The following STS variants were observed in gnomAD, a reference collection of about 807,000 sequenced individuals.
The protein encoded by STS is steryl-sulfatase.
In STS, 7 loss-of-function variants were observed where a neutral mutation model predicts 26.8. The observed-to-expected ratio is 0.26, with a 90% CI of 0.15 to 0.49. The LOEUF is 0.49. Ranked by LOEUF, STS falls within the 20% of genes least tolerant of loss-of-function variation. The pLI is 0.98. For synonymous variants in STS, 199 were observed against 189.4 expected (o/e 1.05, Z -0.42); for missense variants, 434 against 465.6 (o/e 0.93, Z 0.63).
At chrX:7,237,086 C>T (rs1485748944) in intron 2 of STS, among the ~76,000 whole-genome samples, 13 of 109,473 alleles carry the variant, frequency 1.2e-4, no homozygotes, top group African/African-American at 3.7e-4. Flanking sequence ...GCAGATCAAA[C>T]GTAAAATTAC....
chrX:7,298,994 A>G (rs1404641089), intron 7 of STS, among the ~76,000 whole-genome samples: 1 of 90,139 alleles, frequency 1.1e-5, no homozygotes, highest in African/African-American at 4.1e-5. Flanking sequence ...ATATTATATA[A>G]AATAATTATA....
chrX:7,229,354 G>C (rs1231969664), intron 2 of STS, among the ~76,000 whole-genome samples: 1 of 111,583 alleles, frequency 9.0e-6, no homozygotes, highest in Non-Finnish European at 1.9e-5. Flanking sequence ...CAGAGCTTAG[G>C]ATCTGAGCAT....
intron 2 of STS, among the ~76,000 whole-genome samples, chrX:7,214,952 CGT>C (rs1921188557): frequency 1.2e-5 from 1 of 82,496 alleles, no homozygotes; most frequent in African/African-American, 4.6e-5. Flanking sequence ...TACATATATA[CGT>C]ATATATATAT....
chrX:7,150,260 C>T (rs1932985310), intron 1 of STS, among the ~76,000 whole-genome samples: 1 of 111,877 alleles, frequency 8.9e-6, no homozygotes, highest in African/African-American at 3.3e-5. Context: ...CTCACTCTGT[C>T]ACCCAGGCTG....
At chrX:7,225,156 C>A (rs1407297997) in intron 2 of STS, among the ~76,000 whole-genome samples, 2 of 111,829 alleles carry the variant, frequency 1.8e-5, no homozygotes, top group African/African-American at 6.5e-5. Context: ...TATGAATCAA[C>A]CTTTATATAA....
intron 1 of STS, among the ~76,000 whole-genome samples, chrX:7,153,629 C>T (rs1386532428): frequency 1.1e-5 from 1 of 93,572 alleles, no homozygotes; most frequent in African/African-American, 4.1e-5. Context: ...CTCTCTTTTC[C>T]TGTCTTCCTT....
intron 2 of STS, among the ~76,000 whole-genome samples, chrX:7,240,552 T>TAA (rs1555953724): frequency 1.8e-4 from 16 of 91,316 alleles, no homozygotes; most frequent in African/African-American, 5.2e-4. Flanking sequence ...TATATATATA[T>TAA]AAAATGGATC....
At chrX:7,279,381 A>ATG (rs1464451565) in intron 7 of STS, among the ~76,000 whole-genome samples, 1 of 79,415 alleles carries the variant, frequency 1.3e-5, no homozygotes, top group Admixed American at 1.4e-4. Flanking sequence ...GTGTGTGTAT[A>ATG]TATATGTGTG....
At chrX:7,241,543 G>A (rs916605377) in intron 2 of STS, among the ~76,000 whole-genome samples, 6 of 111,916 alleles carry the variant, frequency 5.4e-5, no homozygotes, top group Admixed American at 9.5e-5. Context: ...TAAATTCTGA[G>A]ACTCATTACT....
intron 3 of STS, among the ~76,000 whole-genome samples, chrX:7,255,034 A>G (rs1399092937): frequency 8.9e-6 from 1 of 112,426 alleles, no homozygotes; most frequent in Non-Finnish European, 1.9e-5. Flanking sequence ...ATATTTAATC[A>G]TTGCATATCA....
Position 7,334,117 on chromosome X carries a change from C to T in STS, c.1363+10C>T. 8.3e-7 allele frequency: 1 copy of T among 1,211,342 alleles called. No homozygotes were observed. The highest frequency in any genetic ancestry group is 1.8e-5 in the South Asian group (1 of 56,974). On this transcript the variant is annotated intron_variant, in intron 10 of 10. Coordinates refer to ENST00000674429, the MANE Select transcript of STS (RefSeq NM_001320752.2). The stretch of plus-strand genomic sequence containing the variant: ...TGGCACCCTCAGAACAGTGAGTAAA[C>T]AGACCTTTCCACGCTCCTCATGCTC...
chrX:7,162,686 A>T (rs777044349), intron 1 of STS, among the ~76,000 whole-genome samples: 7 of 109,296 alleles, frequency 6.4e-5, no homozygotes, highest in Non-Finnish European at 1.3e-4. Context: ...AGATGTTGCC[A>T]AATGTCTCCT....
intron 3 of STS, 135 bp downstream of exon 3, chrX:7,253,471 T>A: frequency 1.1e-6 from 1 of 874,443 alleles, no homozygotes. Flanking sequence ...TGGCTTCATG[T>A]AGATACACTG....
chrX:7,264,941 G>T (rs776084586), intron 6 of STS, among the ~76,000 whole-genome samples: 22 of 110,223 alleles, frequency 2.0e-4, no homozygotes, highest in African/African-American at 6.9e-4. Flanking sequence ...ACATAGATAT[G>T]TGATTAAAAC....
At chrX:7,150,283 G>A (rs770357371) in intron 1 of STS, among the ~76,000 whole-genome samples, 28 of 111,626 alleles carry the variant, frequency 2.5e-4, no homozygotes, top group African/African-American at 2.9e-4. Context: ...GCACGGTGGC[G>A]CAATCTCTGC....
At position 7,322,885 on chromosome X, in the gene STS, C is replaced by T. The variant is rs139856259; in HGVS notation, c.1082-2454C>T. Among the ~76,000 whole-genome samples, 186 of 112,206 alleles carry T rather than the reference C, an allele frequency of 1.7e-3. 5 individuals are homozygous for T. In the East Asian group the frequency reaches 0.039, roughly 24 times the overall value. On this transcript the variant is annotated intron_variant, in intron 8 of 10. Transcript: ENST00000674429. ...TGCTGACATTCTGATCCACTCTGAA[C>T]TCACCCTTCCTGCCTCTGCCGGTAC...
At chrX:7,262,570 G>C (rs1285757879) in intron 6 of STS, among the ~76,000 whole-genome samples, 1 of 112,283 alleles carries the variant, frequency 8.9e-6, no homozygotes, top group Non-Finnish European at 1.9e-5. Flanking sequence ...GAATATTTCA[G>C]ATGAAATTTT....
chrX:7,243,625 CAG>C (rs1922724517), intron 2 of STS, among the ~76,000 whole-genome samples: 1 of 111,875 alleles, frequency 8.9e-6, no homozygotes. Context: ...CAAAAACAAA[CAG>C]AGACTATCAC....
chrX:7,240,046 G>A (rs780015455), intron 2 of STS, among the ~76,000 whole-genome samples: 180 of 108,987 alleles, frequency 1.7e-3, no homozygotes, highest in Non-Finnish European at 3.0e-3. Context: ...CACCACGCCC[G>A]GCAGATTTTT....
Sources: gnomAD v4.1 joint callset for allele counts (sites outside exome capture counted in the v4.1 genomes callset) on GRCh38, gnomAD v4.1.1 for gene constraint, MANE v1.5 for transcripts, NCBI Gene and HGNC (gene_info 2026-07-23, HGNC 2026-07-21) for gene names.